GALNT1: variants seen among roughly 807,000 people sequenced by gnomAD.
GALNT1 encodes GalNAc transferase 1.
GALNT1 carries 17 observed loss-of-function variants against 65.7 expected under a neutral mutation model. The observed-to-expected ratio is 0.26, with a 90% confidence interval of 0.18 to 0.39. GALNT1 has a LOEUF of 0.39. Ranked by LOEUF, GALNT1 falls within the 10% of genes least tolerant of loss-of-function variation. GALNT1 has a pLI of 1.00. For missense variants in GALNT1, 460 were observed against 672.8 expected, an observed-to-expected ratio of 0.68 and a Z score of 3.50; for synonymous variants, 210 against 219.7, an observed-to-expected ratio of 0.96 and a Z score of 0.39.
intron 1 of GALNT1, among the ~76,000 whole-genome samples, chr18:35,637,349 C>G (rs2144260762): frequency 6.6e-6 from 1 of 152,280 alleles, no homozygotes. Flanking sequence ...TTCTGAATGG[C>G]AAGGAAGAGT....
chr18:35,661,369 C>T (rs2047474641), intron 2 of GALNT1, among the ~76,000 whole-genome samples: 1 of 151,974 alleles, frequency 6.6e-6, no homozygotes, highest in Admixed American at 6.6e-5. Context: ...TATGGTGGCG[C>T]GTGTCTGTAA....
At chr18:35,585,644 C>G (rs941500122) in intron 1 of GALNT1, among the ~76,000 whole-genome samples, 2 of 152,194 alleles carry the variant, frequency 1.3e-5, no homozygotes, top group African/African-American at 2.4e-5. Context: ...TACCTCCACC[C>G]CCTCCTTAAA....
At chr18:35,659,828 A>G (rs1000820637) in intron 2 of GALNT1, 2 of 152,212 alleles carry the variant, frequency 1.3e-5, no homozygotes, top group African/African-American at 4.8e-5. Context: ...TTTATAACAA[A>G]TTTTTAAGTG....
At chr18:35,652,676 C>A (rs996441873) in intron 1 of GALNT1, among the ~76,000 whole-genome samples, 6 of 152,144 alleles carry the variant, frequency 3.9e-5, no homozygotes, top group Non-Finnish European at 8.8e-5. Context: ...GGCCTTAAAT[C>A]TGGGAATCAT....
intron 4 of GALNT1, among the ~76,000 whole-genome samples, chr18:35,680,617 A>C (rs182681643): frequency 2.0e-5 from 3 of 152,354 alleles, no homozygotes; most frequent in African/African-American, 7.2e-5. Flanking sequence ...TGGGTTGTGT[A>C]GCATAGATAG....
intron 1 of GALNT1, among the ~76,000 whole-genome samples, chr18:35,636,237 T>C (rs144291159): frequency 6.6e-6 from 1 of 152,320 alleles, no homozygotes; most frequent in East Asian, 1.9e-4. Context: ...AATGTGAATC[T>C]ACCAGGACAA....
chr18:35,619,493 A>G (rs2046825025), intron 1 of GALNT1, among the ~76,000 whole-genome samples: 1 of 152,164 alleles, frequency 6.6e-6, no homozygotes, highest in Non-Finnish European at 1.5e-5. Context: ...CCAGTTATAC[A>G]GGAGGAAAAG....
chr18:35,639,921 C>T (rs891751451), intron 1 of GALNT1, among the ~76,000 whole-genome samples: 18 of 152,054 alleles, frequency 1.2e-4, no homozygotes, highest in African/African-American at 3.1e-4. Flanking sequence ...CTCAGCCTCC[C>T]GAGTAGCTGG....
chr18:35,686,948 A>G (rs1268466097), intron 5 of GALNT1, 68 bp from the exon 6 acceptor site: 7 of 1,438,256 alleles, frequency 4.9e-6, no homozygotes, highest in East Asian at 2.3e-5. Context: ...TTACTATACA[A>G]TTGTTCTGTA....
At chr18:35,700,825 G>A (rs1038212138) in intron 9 of GALNT1, among the ~76,000 whole-genome samples, 1 of 152,006 alleles carries the variant, frequency 6.6e-6, no homozygotes, top group Non-Finnish European at 1.5e-5. Context: ...TAAAAGATAG[G>A]CAATTATTTA....
intron 1 of GALNT1, among the ~76,000 whole-genome samples, chr18:35,593,285 G>T (rs997853302): frequency 1.3e-5 from 2 of 152,212 alleles, no homozygotes; most frequent in African/African-American, 4.8e-5. Flanking sequence ...TGCTGAACAG[G>T]CAGGAGGGTG....
chr18:35,705,478 T>TATA (rs1002390754), intron 11 of GALNT1, among the ~76,000 whole-genome samples: 1 of 152,224 alleles, frequency 6.6e-6, no homozygotes, highest in African/African-American at 2.4e-5. Flanking sequence ...TGATATTACC[T>TATA]ATAATAATAG....
At chr18:35,705,012 A>T (rs1322108076) in intron 11 of GALNT1, among the ~76,000 whole-genome samples, 1 of 152,092 alleles carries the variant, frequency 6.6e-6, no homozygotes, top group African/African-American at 2.4e-5. Flanking sequence ...TTCTTCTCTT[A>T]GTTTGCTCTC....
chr18:35,600,512 G>A (rs991097670), intron 1 of GALNT1, among the ~76,000 whole-genome samples: 1 of 152,080 alleles, frequency 6.6e-6, no homozygotes, highest in African/African-American at 2.4e-5. Flanking sequence ...GGCCCTTTAT[G>A]TCTTTTTCTT....
chr18:35,632,437 CAAG>C (rs2047027117), intron 1 of GALNT1, among the ~76,000 whole-genome samples: 1 of 152,144 alleles, frequency 6.6e-6, no homozygotes, highest in Admixed American at 6.5e-5. Context: ...CTGACAAAAA[CAAG>C]AAATGGGGAA....
intron 1 of GALNT1, among the ~76,000 whole-genome samples, chr18:35,645,577 C>T (rs1038934999): frequency 8.5e-5 from 13 of 152,186 alleles, no homozygotes; most frequent in African/African-American, 2.6e-4. Context: ...TATAGGAGCA[C>T]GACTGATGTT....
At chr18:35,673,151 T>C (rs530072652) in intron 3 of GALNT1, among the ~76,000 whole-genome samples, 5 of 152,316 alleles carry the variant, frequency 3.3e-5, no homozygotes, top group South Asian at 2.1e-4. Flanking sequence ...TTATGAGATA[T>C]TGAGTTGTCA....
At chr18:35,612,143 A>AAAAT (rs1197925249) in intron 1 of GALNT1, among the ~76,000 whole-genome samples, 1 of 152,224 alleles carries the variant, frequency 6.6e-6, no homozygotes, top group Non-Finnish European at 1.5e-5. Flanking sequence ...AAAAGTAATG[A>AAAAT]AAATAATTAT....
chr18:35,630,109 C>CT (rs1463223309), intron 1 of GALNT1, among the ~76,000 whole-genome samples: 1 of 152,108 alleles, frequency 6.6e-6, no homozygotes, highest in East Asian at 1.9e-4. Context: ...TAATGGGAGA[C>CT]TTTAACACCC....
Sources: allele counts gnomAD v4.1 joint callset (sites outside exome capture counted in the v4.1 genomes callset), GRCh38; gene constraint gnomAD v4.1.1; transcripts MANE v1.5; gene names NCBI Gene and HGNC (gene_info 2026-07-23, HGNC 2026-07-21).